RRP12: variants seen among roughly 807,000 people sequenced by gnomAD.
RRP12 encodes ribosomal RNA processing 12 homolog, also known as RRP12-like protein.
RRP12 carries 78 observed loss-of-function variants against 157.3 expected under a neutral mutation model. The ratio of observed to expected loss-of-function variants is 0.50; its 90% CI spans 0.41 to 0.60. The LOEUF (loss-of-function observed/expected upper bound fraction) is 0.60. RRP12 is among the 20% of genes least tolerant of loss of function. The pLI is 0.00. For synonymous variants in RRP12, 726 were observed against 670.9 expected, an observed-to-expected ratio of 1.08 and a Z score of -1.27; for missense variants, 1,521 against 1,679.9, an observed-to-expected ratio of 0.91 and a Z score of 1.65.
At chr10:97,360,388 C>T (rs977054850) in intron 31 of RRP12, among the ~76,000 whole-genome samples, 158 bp downstream of exon 31, 1 of 152,162 alleles carries the variant, frequency 6.6e-6, no homozygotes, top group Non-Finnish European at 1.5e-5. Context: ...AGACTCCAGG[C>T]CCATCTTGAG....
At chr10:97,387,601 T>C (rs569578284) in intron 8 of RRP12, among the ~76,000 whole-genome samples, 372 of 151,632 alleles carry the variant, frequency 2.5e-3, no homozygotes, top group Middle Eastern at 0.01. Flanking sequence ...CTAGAAATGG[T>C]AGAAACACAG....
At position 97,357,042 on chromosome 10, in the gene RRP12, G is replaced by A. The variant is rs969241300; in HGVS notation, c.*52C>T. 9.4e-7 allele frequency: 1 copy of A among 1,060,904 alleles called. No homozygotes were observed. Among genetic ancestry groups the A allele is most frequent in the African/African-American group, 1.6e-5 (1 of 63,182 alleles). The allele number at this position is 1,060,904 out of a possible 1,614,324, so 65.7% of individuals were successfully genotyped here. The stretch of plus-strand genomic sequence containing the variant: ...TGGAGCTGGTGGCAAGGCAGCCTGG[G>A]GGCTGAAAGGGCCTCAGACTGGACC... On this transcript the variant is annotated 3_prime_UTR_variant, in exon 34 of 34. Transcript: ENST00000370992.
At position 97,366,756 on chromosome 10, in the gene RRP12, C is replaced by T. The variant is rs45527941; in HGVS notation, c.3201G>A (p.Gln1067=). The T allele has an allele frequency of 0.055, 88,008 of 1,613,742 alleles. 2,820 individuals are homozygous for T. Among genetic ancestry groups the T allele is most frequent in the Non-Finnish European group, 0.064 (75,081 of 1,179,756 alleles). ...CATGGTCTCACCTGTCACCTTTGCC[C>T]TGGGCGGGCTCCTCCTCCTCCTCCT... ...EEEEEEEEPA[Q]GKGDSIEEIL... The change falls in exon 27 of 34, where the codon CAG becomes CAA. Residue 1067 remains glutamine (Q), a synonymous_variant. Coordinates refer to ENST00000370992, the MANE Select transcript of RRP12 (RefSeq NM_015179.4).
At chr10:97,385,023 C>G (rs11189185) in intron 10 of RRP12, 143 bp downstream of exon 10, 22 of 451,338 alleles carry the variant, frequency 4.9e-5, no homozygotes, top group Non-Finnish European at 7.6e-5. Flanking sequence ...AGCCTGGACA[C>G]AGGCCCTAAG....
At position 97,390,727 on chromosome 10, in the gene RRP12, C is replaced by G; in HGVS notation, c.636+12G>C. ...GAGTCGCCAGATGAGAAACTAAACC[C>G]CAGACACTAACCCATCGGAGGACAG... is the stretch of plus-strand genomic sequence containing the variant. On this transcript the variant is annotated intron_variant, in intron 5 of 33. Transcript: ENST00000370992. The G allele has an allele frequency of 6.3e-7, 1 of 1,586,222 alleles. No homozygotes were observed. The highest frequency in any genetic ancestry group is 1.7e-5 in the Admixed American group (1 of 59,968).
At position 97,372,228 on chromosome 10, in the gene RRP12, T is replaced by C. The variant is rs2133050648; in HGVS notation, c.2250-62A>G. ...GCTGGAGAAGGGCGCAGACTACCAG[T>C]GTTCTTACGTCTACTGGGTATGGGG... On this transcript the variant is annotated intron_variant, in intron 19 of 33. Coordinates refer to ENST00000370992, the MANE Select transcript of RRP12 (RefSeq NM_015179.4). 5 of 1,308,066 alleles carry C rather than the reference T, an allele frequency of 3.8e-6. No homozygotes were observed. In the Admixed American group the frequency reaches 9.1e-5, roughly 24 times the overall value. The allele number at this position is 1,308,066 out of a possible 1,614,324, so 81.0% of individuals were successfully genotyped here. A position where few individuals can be genotyped will look rare whatever the true frequency, so the allele number is the denominator to read the frequency against.
At chr10:97,382,796 CT>C (rs1387191818) in intron 10 of RRP12, among the ~76,000 whole-genome samples, 5 of 150,736 alleles carry the variant, frequency 3.3e-5, no homozygotes, top group African/African-American at 1.2e-4. Flanking sequence ...GGGTCTCACC[CT>C]GTCACCCAGG....
intron 25 of RRP12, 159 bp from the exon 26 acceptor site, chr10:97,367,291 C>T (rs1844017441): frequency 3.2e-6 from 2 of 634,156 alleles, no homozygotes; most frequent in East Asian, 2.8e-5. Flanking sequence ...TCATGCTTCC[C>T]TCGGGTGGGC....
At chr10:97,360,470 C>A (rs1843813023) in intron 31 of RRP12, 76 bp downstream of exon 31, 1 of 1,215,772 alleles carries the variant, frequency 8.2e-7, no homozygotes, top group Non-Finnish European at 1.2e-6. Flanking sequence ...GCCCTGCCAC[C>A]CCTTCCTGTG....
intron 28 of RRP12, 101 bp downstream of exon 28, chr10:97,366,345 G>C: frequency 6.4e-7 from 1 of 1,561,178 alleles, no homozygotes. Context: ...TCTCAGCCCT[G>C]TCCATGGGCC....
intron 30 of RRP12, among the ~76,000 whole-genome samples, chr10:97,361,898 G>T (rs1321391402): frequency 1.3e-5 from 2 of 152,112 alleles, no homozygotes; most frequent in East Asian, 3.9e-4. Flanking sequence ...CACGAGGTCA[G>T]GAGTTCGAGA....
chr10:97,366,579 A>G lies in RRP12; in HGVS notation c.3258T>C (p.Asn1086=). Residue 1086 remains asparagine, a synonymous_variant, in exon 28 of 34, where the codon AAT becomes AAC. Coordinates refer to ENST00000370992, the MANE Select transcript of RRP12 (RefSeq NM_015179.4). The stretch of plus-strand genomic sequence containing the variant: ...TGCCTCGGCTTCTTTCCTCCTCCTC[A>G]TTGTCCTCCTCGTCCTCTGAGTCAG... The part of the protein sequence containing the change: ...ILADSEDEED[N]EEEERSRGKE... 1.2e-6 allele frequency: 2 copies of G among 1,613,108 alleles called. No homozygotes were observed. Among genetic ancestry groups the G allele is most frequent in the Non-Finnish European group, 1.7e-6 (2 of 1,179,752 alleles).
chr10:97,366,902 G>T lies in RRP12; in HGVS notation c.3055C>A (p.Leu1019Met). The change falls in exon 27 of 34, where the codon CTG (leucine) becomes ATG (methionine). Residue 1019 changes from leucine to methionine, a missense_variant. Transcript: ENST00000370992. ...TKFIRKFGFELVKRLLPEEYH... is the reference protein window; with the variant it reads ...TKFIRKFGFEMVKRLLPEEYH... ...TCCTCGGGCAACAGCCTTTTCACCAGCTCAAATCTGGAGGTGGCAAGGAAG... is the reference window on the plus strand; with the variant it reads ...TCCTCGGGCAACAGCCTTTTCACCATCTCAAATCTGGAGGTGGCAAGGAAG... 1 of 1,613,080 alleles carries T rather than the reference G, an allele frequency of 6.2e-7. No individual in the cohort carries two copies. The highest frequency in any genetic ancestry group is 8.5e-7 in the Non-Finnish European group (1 of 1,179,310).
rs145894591 is a variant in RRP12 at position 97,388,826 on chromosome 10, C to A, written c.754-202G>T. Among the ~76,000 whole-genome samples the A allele has an allele frequency of 4.4e-3, 669 of 152,332 alleles. 21 individuals carry two copies. Among genetic ancestry groups the A allele is most frequent in the Admixed American group, 0.04 (611 of 15,302 alleles). On this transcript the variant is annotated intron_variant, in intron 6 of 33. Transcript: ENST00000370992. ...AAGCAAGACAAACCTCAGTTCAAAT[C>A]CCTGCTCTACAACTAACTCACCAAA... is the stretch of plus-strand genomic sequence containing the variant.
intron 4 of RRP12, chr10:97,393,433 C>T: frequency 6.3e-6 from 4 of 636,940 alleles, no homozygotes; most frequent in South Asian, 5.6e-5. Context: ...TTGGTGCTTT[C>T]CCAACCTTCT....
At chr10:97,370,114 G>A in intron 24 of RRP12, 53 bp downstream of exon 24, 2 of 1,252,552 alleles carry the variant, frequency 1.6e-6, no homozygotes, top group Admixed American at 4.2e-5. Context: ...TGACCTTTTG[G>A]GCATCTTCCT....
intron 13 of RRP12, 54 bp downstream of exon 13, chr10:97,380,745 T>C: frequency 2.3e-6 from 3 of 1,297,572 alleles, no homozygotes; most frequent in Non-Finnish European, 3.4e-6. Flanking sequence ...CAGGAGCCCA[T>C]AGTCCAAGAG....
At chr10:97,394,628 A>G (rs1178826979) in intron 3 of RRP12, among the ~76,000 whole-genome samples, 3 of 151,730 alleles carry the variant, frequency 2.0e-5, no homozygotes, top group Non-Finnish European at 4.4e-5. Flanking sequence ...AGCCTCAAGC[A>G]CTCCTCCGAT....
chr10:97,373,749 G>T lies in RRP12; in HGVS notation c.1864-12C>A. 1 of 1,612,414 alleles carries T rather than the reference G, an allele frequency of 6.2e-7. No homozygotes were observed. The highest frequency in any genetic ancestry group is 8.5e-7 in the Non-Finnish European group (1 of 1,178,640). ...AGGAGTGTCCACATCTGGAGAAGGA[G>T]GGGACAATAAAGGAAGGTGACACGC... is the stretch of plus-strand genomic sequence containing the variant. On this transcript the variant is annotated splice_polypyrimidine_tract_variant and intron_variant, in intron 16 of 33. Transcript: ENST00000370992.
Sources: gnomAD v4.1 joint callset for allele counts (sites outside exome capture counted in the v4.1 genomes callset) on GRCh38, gnomAD v4.1.1 for gene constraint, MANE v1.5 for transcripts, NCBI Gene and HGNC (gene_info 2026-07-23, HGNC 2026-07-21) for gene names.